SESN3: variants seen among roughly 807,000 people sequenced by gnomAD.
The protein encoded by SESN3 is sestrin-3.
Under a neutral mutation model 55.3 loss-of-function variants are expected in SESN3, and 21 were observed. That is an observed-to-expected ratio of 0.38 (90% confidence interval 0.27 to 0.55). The LOEUF is 0.55. Among genes scored for constraint, SESN3 ranks in the 20% least tolerant of loss-of-function variants. The pLI is 0.76. For missense variants in SESN3, 408 were observed against 604.3 expected (o/e 0.68, Z 3.41); for synonymous variants, 181 against 203.1 (o/e 0.89, Z 0.93).
At chr11:95,207,463 A>G (rs1173235445) in intron 1 of SESN3, among the ~76,000 whole-genome samples, 1 of 151,586 alleles carries the variant, frequency 6.6e-6, no homozygotes, top group Non-Finnish European at 1.5e-5. Context: ...TCACATTTAA[A>G]AAATGAGAGA....
rs1859728593 is a variant in SESN3, at chr11:95,165,540, T to C, written c.*7715A>G. 1.3e-5 allele frequency: 2 copies of C among 152,084 alleles called. No homozygotes were observed. The highest frequency in any genetic ancestry group is 4.1e-4 in the South Asian group (2 of 4,828). 9.4% of individuals were successfully genotyped at this position (152,084 alleles called of 1,614,324 possible). On this transcript the variant is annotated 3_prime_UTR_variant, in exon 10 of 10. Transcript: ENST00000536441. The stretch of plus-strand genomic sequence containing the variant: ...CAGTATAAACAAAGTAGGCAAATGA[T>C]TGGTGTTCAGTTTTGCCAATTTTAT...
chr11:95,225,517 C>T (rs1387333463), intron 1 of SESN3, among the ~76,000 whole-genome samples: 5 of 152,126 alleles, frequency 3.3e-5, no homozygotes, highest in Non-Finnish European at 7.4e-5. Flanking sequence ...GGGATATTCC[C>T]TAGCAGCCTC....
intron 1 of SESN3, chr11:95,203,803 T>C (rs1362653430): frequency 6.6e-6 from 1 of 152,524 alleles, no homozygotes; most frequent in Admixed American, 6.5e-5. Context: ...CCCCTCTGCT[T>C]CTGGGCAAGG....
In SESN3 at chr11:95,227,607, T is replaced by C. The variant is rs1860971764; in HGVS notation, c.78+3176A>G. ...AACAAAGTGAAAAGTGCAATAACAA[T>C]ACAAAGATATATCACTATAACTATC... On this transcript the variant is annotated intron_variant, in intron 1 of 9. Coordinates refer to ENST00000536441, the MANE Select transcript of SESN3 (RefSeq NM_144665.4). Among the ~76,000 whole-genome samples the C allele has an allele frequency of 2.0e-5, 3 of 152,154 alleles. No individual in the cohort carries two copies. The South Asian group carries it at 6.2e-4, about 32-fold the overall frequency.
chr11:95,224,685 CAG>C (rs1218453862), intron 1 of SESN3, among the ~76,000 whole-genome samples: 3 of 152,164 alleles, frequency 2.0e-5, no homozygotes, highest in Non-Finnish European at 2.9e-5. Flanking sequence ...CTACTGGTGA[CAG>C]ATACATATTT....
At chr11:95,173,838 C>T (rs1268166596) in intron 9 of SESN3, among the ~76,000 whole-genome samples, 1 of 151,948 alleles carries the variant, frequency 6.6e-6, no homozygotes, top group Non-Finnish European at 1.5e-5. Context: ...ACATAGCTTC[C>T]CTAGAGTCTT....
chr11:95,206,365 TACACACAC>T (rs3032056), intron 1 of SESN3, among the ~76,000 whole-genome samples: 2,454 of 140,436 alleles, frequency 0.017, 60 homozygotes, highest in African/African-American at 0.058. Context: ...AGTCCTAAAA[TACACACAC>T]ACACACACAC....
At chr11:95,226,913 C>T (rs544531222) in intron 1 of SESN3, among the ~76,000 whole-genome samples, 20 of 152,270 alleles carry the variant, frequency 1.3e-4, no homozygotes, top group African/African-American at 1.4e-4. Flanking sequence ...AGGGTCCATA[C>T]GAAGCAGTTT....
chr11:95,230,705 G>A lies in SESN3; in HGVS notation c.78+78C>T. 1.9e-6 allele frequency: 2 copies of A among 1,077,170 alleles called. No homozygotes were observed. The highest frequency in any genetic ancestry group is 2.7e-6 in the Non-Finnish European group (2 of 727,738). The allele number at this position is 1,077,170 out of a possible 1,614,324, so 66.7% of individuals were successfully genotyped here. ...GATCCCTCTCAGCCTCCCCCAGTGC[G>A]CGCCCGGGGACGAGCCGCCCGAGCC... On this transcript the variant is annotated intron_variant, in intron 1 of 9. Transcript: ENST00000536441. The surrounding 1 kb of genome is among the most constrained non-coding windows in gnomAD (Gnocchi z 4.6).
At chr11:95,228,521 G>A (rs545143925) in intron 1 of SESN3, among the ~76,000 whole-genome samples, 97 of 152,230 alleles carry the variant, frequency 6.4e-4, no homozygotes, top group African/African-American at 2.3e-3. Context: ...TTTTAACTTA[G>A]AGTTATATCA....
At chr11:95,189,251 C>A (rs1014208992) in intron 4 of SESN3, among the ~76,000 whole-genome samples, 2 of 151,918 alleles carry the variant, frequency 1.3e-5, no homozygotes, top group African/African-American at 4.8e-5. Flanking sequence ...TAGTCAATCA[C>A]GACAACTCTA....
chr11:95,184,416 G>T lies in SESN3; in HGVS notation c.937+4C>A. 3 of 1,613,212 alleles carry T rather than the reference G, an allele frequency of 1.9e-6. No individual in the cohort carries two copies. Among genetic ancestry groups the T allele is most frequent in the Non-Finnish European group, 2.5e-6 (3 of 1,179,652 alleles). On this transcript the variant is annotated splice_donor_region_variant and intron_variant, in intron 6 of 9. Coordinates refer to ENST00000536441, the MANE Select transcript of SESN3 (RefSeq NM_144665.4). ...CTAAAAGGCAAAAAAGTGCAAAAAA[G>T]CACCTGAATGAGGAAATGAATGAAA...
At chr11:95,186,114 T>G (rs183624162) in intron 4 of SESN3, among the ~76,000 whole-genome samples, 411 of 151,718 alleles carry the variant, frequency 2.7e-3, no homozygotes, top group Non-Finnish European at 3.6e-3. Context: ...TGTCCAAGAG[T>G]GAATTCCACC....
upstream of SESN3, chr11:95,231,221 C>CCACCACCTT (rs1165266402): frequency 7.4e-6 from 3 of 407,000 alleles, no homozygotes; most frequent in Non-Finnish European, 1.3e-5. Context: ...CTCCGCCGCC[C>CCACCACCTT]CACCACCTTC....
At position 95,230,714 on chromosome 11, in the gene SESN3, G is replaced by A. The variant is rs1341645883; in HGVS notation, c.78+69C>T. On this transcript the variant is annotated intron_variant, in intron 1 of 9. Transcript: ENST00000536441. The surrounding 1 kb of genome is among the most constrained non-coding windows in gnomAD (Gnocchi z 4.6). ...CAGCCTCCCCCAGTGCGCGCCCGGG[G>A]ACGAGCCGCCCGAGCCCCGGCCGGC... 2.4e-6 allele frequency: 3 copies of A among 1,240,066 alleles called. No individual in the cohort carries two copies. The highest frequency in any genetic ancestry group is 3.5e-6 in the Non-Finnish European group (3 of 867,666). The allele number at this position is 1,240,066 out of a possible 1,614,324, so 76.8% of individuals were successfully genotyped here.
intron 5 of SESN3, 109 bp downstream of exon 5, chr11:95,185,147 T>C: frequency 3.1e-6 from 2 of 635,212 alleles, no homozygotes; most frequent in Non-Finnish European, 5.4e-6. Context: ...TGCAAAAATA[T>C]TTTAAGTATA....
At chr11:95,219,754 A>AAT (rs561249084) in intron 1 of SESN3, among the ~76,000 whole-genome samples, 104 of 111,164 alleles carry the variant, frequency 9.4e-4, no homozygotes, top group African/African-American at 3.1e-3. Flanking sequence ...CATATTGAAA[A>AAT]ATATTTTTTT....
chr11:95,217,311 TAGTC>T (rs1200469787), intron 1 of SESN3, among the ~76,000 whole-genome samples: 2 of 152,120 alleles, frequency 1.3e-5, no homozygotes, highest in African/African-American at 2.4e-5. Flanking sequence ...TAACAAGAGT[TAGTC>T]AGGGGACTCC....
In SESN3 at chr11:95,189,797, G is replaced by A. The variant is rs1304007444; in HGVS notation, c.507C>T (p.Ile169=). 1 of 1,605,654 alleles carries A rather than the reference G, an allele frequency of 6.2e-7. No individual in the cohort carries two copies. Among genetic ancestry groups the A allele is most frequent in the South Asian group, 1.1e-5 (1 of 89,306 alleles). ...TCAGTACCTGAATGTGCTCTTTTGT[G>A]ATCAGCCAAGGTCGATGTGCTAGCA... The part of the protein sequence containing the change: ...NKLLAHRPWL[I]TKEHIQKLVK... Residue 169 remains isoleucine, a synonymous_variant, in exon 4 of 10, where the codon ATC becomes ATT. Coordinates refer to ENST00000536441, the MANE Select transcript of SESN3 (RefSeq NM_144665.4).
Sources: gnomAD v4.1 joint callset for allele counts (sites outside exome capture counted in the v4.1 genomes callset) on GRCh38, gnomAD v4.1.1 for gene constraint, Gnocchi (gnomAD v3.1) non-coding constraint, MANE v1.5 for transcripts, NCBI Gene and HGNC (gene_info 2026-07-23, HGNC 2026-07-21) for gene names.